Variants in SNTG1 observed in about 807,000 individuals in gnomAD.
SNTG1 encodes the protein gamma-1-syntrophin.
SNTG1 carries 39 observed loss-of-function variants against 74.7 expected under a neutral mutation model. The observed-to-expected ratio is 0.52, with a 90% CI of 0.40 to 0.68. The LOEUF (loss-of-function observed/expected upper bound fraction) is 0.68. Ranked by LOEUF, SNTG1 falls within the 30% of genes least tolerant of loss-of-function variation. SNTG1 has a pLI of 0.00. For missense variants in SNTG1, 685 were observed against 609.5 expected (o/e 1.12, Z -1.30); for synonymous variants, 254 against 217.1 (o/e 1.17, Z -1.49).
chr8:50,485,258 C>T (rs530832891), intron 8 of SNTG1, among the ~76,000 whole-genome samples: 104 of 152,272 alleles, frequency 6.8e-4, no homozygotes, highest in Non-Finnish European at 8.8e-4. Flanking sequence ...TCACACTAAG[C>T]AACGAGACAA....
chr8:50,059,805 G>T (rs574428630), intron 1 of SNTG1, among the ~76,000 whole-genome samples: 54 of 152,106 alleles, frequency 3.6e-4, no homozygotes, highest in African/African-American at 1.2e-3. Flanking sequence ...CTTAATATTT[G>T]TGTATAATTT....
At chr8:49,983,974 C>T (rs188649671) in intron 1 of SNTG1, among the ~76,000 whole-genome samples, 2 of 152,254 alleles carry the variant, frequency 1.3e-5, no homozygotes, top group Non-Finnish European at 2.9e-5. Flanking sequence ...CTCTGAGGCA[C>T]AATTCTGCCT....
intron 2 of SNTG1, among the ~76,000 whole-genome samples, chr8:50,364,665 T>C (rs967263019): frequency 6.6e-6 from 1 of 152,142 alleles, no homozygotes; most frequent in Non-Finnish European, 1.5e-5. Flanking sequence ...ATATGAATAA[T>C]TCATTCATAT....
At chr8:50,405,682 G>A (rs191322202) in intron 4 of SNTG1, among the ~76,000 whole-genome samples, 18 of 151,866 alleles carry the variant, frequency 1.2e-4, no homozygotes, top group East Asian at 7.7e-4. Context: ...TCTATTGGTC[G>A]TACCTTTTAT....
At chr8:50,009,912 C>T (rs1380936778) in intron 1 of SNTG1, among the ~76,000 whole-genome samples, 1 of 152,086 alleles carries the variant, frequency 6.6e-6, no homozygotes, top group African/African-American at 2.4e-5. Flanking sequence ...CGCAGAATTC[C>T]TTGAAACCAG....
At chr8:50,032,671 G>C (rs1246528599) in intron 1 of SNTG1, among the ~76,000 whole-genome samples, 1 of 152,108 alleles carries the variant, frequency 6.6e-6, no homozygotes, top group Non-Finnish European at 1.5e-5. Flanking sequence ...TTCTTAGTTT[G>C]TTTCGTAGAT....
At chr8:50,247,287 C>G (rs2086443654) in intron 2 of SNTG1, among the ~76,000 whole-genome samples, 1 of 152,134 alleles carries the variant, frequency 6.6e-6, no homozygotes, top group Admixed American at 6.5e-5. Flanking sequence ...ATAAACTGTT[C>G]ATAAAGCATC....
chr8:50,581,962 C>A (rs905794372), intron 12 of SNTG1, among the ~76,000 whole-genome samples: 1 of 152,126 alleles, frequency 6.6e-6, no homozygotes, highest in Non-Finnish European at 1.5e-5. Context: ...TAAGAAATTT[C>A]TTGTGGAGTT....
intron 1 of SNTG1, among the ~76,000 whole-genome samples, chr8:50,155,599 A>G (rs1467424269): frequency 6.6e-6 from 1 of 152,070 alleles, no homozygotes; most frequent in Non-Finnish European, 1.5e-5. Context: ...AGCTATGCAC[A>G]GGAAACCACA....
At chr8:49,927,167 G>T (rs1337408823) in intron 1 of SNTG1, among the ~76,000 whole-genome samples, 1 of 152,158 alleles carries the variant, frequency 6.6e-6, no homozygotes, top group East Asian at 1.9e-4. Flanking sequence ...ATGCAAAATG[G>T]TAGAGCCACG....
chr8:50,253,563 A>G (rs763567669), intron 2 of SNTG1, among the ~76,000 whole-genome samples: 1 of 152,264 alleles, frequency 6.6e-6, no homozygotes, highest in East Asian at 1.9e-4. Flanking sequence ...CCAAAAGCCA[A>G]TTTATGGAAT....
In SNTG1 at chr8:50,670,576, A is replaced by C. The variant is rs531770130; in HGVS notation, c.1038+11913A>C. Among the ~76,000 whole-genome samples, 114 of 148,294 alleles carry C rather than the reference A, an allele frequency of 7.7e-4. 1 individual carries two copies. The highest frequency in any genetic ancestry group is 4.9e-3 in the South Asian group (22 of 4,494). ...ACAAATGGAAGAACATTCCATGCTC[A>C]TGGGTAGGAAGAATCAATATCATGA... On this transcript the variant is annotated intron_variant, in intron 15 of 18. Transcript: ENST00000642720.
rs914576653 is a variant in SNTG1, at chr8:50,362,933, A to G, written c.-27-31279A>G. Among the ~76,000 whole-genome samples, 4 of 152,178 alleles carry G rather than the reference A, an allele frequency of 2.6e-5. No homozygotes were observed. The East Asian group carries it at 7.7e-4, about 29-fold the overall frequency. ...ATCTCATCTTCCTTAGTAAACACAG[A>G]CAACTGAATTGCCAATAGATGATTG... On this transcript the variant is annotated intron_variant, in intron 2 of 18. Transcript: ENST00000642720.
At chr8:50,034,441 A>G (rs1283871558) in intron 1 of SNTG1, among the ~76,000 whole-genome samples, 41 of 152,222 alleles carry the variant, frequency 2.7e-4, no homozygotes. Context: ...AAGTTTATAT[A>G]CAAGGCTAAT....
At chr8:50,433,613 T>G (rs2093267953) in intron 4 of SNTG1, among the ~76,000 whole-genome samples, 1 of 152,172 alleles carries the variant, frequency 6.6e-6, no homozygotes, top group Non-Finnish European at 1.5e-5. Flanking sequence ...TCTTTTACAT[T>G]TTGATTTTCT....
At chr8:50,761,330 A>G (rs953094604) in intron 18 of SNTG1, among the ~76,000 whole-genome samples, 2 of 151,970 alleles carry the variant, frequency 1.3e-5, no homozygotes, top group Admixed American at 6.6e-5. Flanking sequence ...ACTTGCCTTC[A>G]GTAATGTTGT....
At chr8:50,217,441 C>G (rs2084846538) in intron 2 of SNTG1, among the ~76,000 whole-genome samples, 1 of 152,058 alleles carries the variant, frequency 6.6e-6, no homozygotes, top group African/African-American at 2.4e-5. Flanking sequence ...AAAACCCAGT[C>G]ACCTATTTGT....
intron 1 of SNTG1, among the ~76,000 whole-genome samples, chr8:50,057,246 T>C (rs541325504): frequency 1.4e-4 from 22 of 152,222 alleles, no homozygotes; most frequent in African/African-American, 5.1e-4. Flanking sequence ...TTTGTCATAT[T>C]TGTTAAAGGG....
At chr8:50,589,057 A>T in intron 12 of SNTG1, among the ~76,000 whole-genome samples, 1 of 152,270 alleles carries the variant, frequency 6.6e-6, no homozygotes, top group Admixed American at 6.5e-5. Context: ...ATTCTAATGT[A>T]AAATATAATA....
Sources: allele counts gnomAD v4.1 joint callset (sites outside exome capture counted in the v4.1 genomes callset), GRCh38; gene constraint gnomAD v4.1.1; transcripts MANE v1.5; gene names NCBI Gene and HGNC (gene_info 2026-07-23, HGNC 2026-07-21).